Variants in GRIA1 observed in about 807,000 individuals in gnomAD.
GRIA1 encodes glutamate receptor 1.
GRIA1 carries 31 observed loss-of-function variants against 99.2 expected under a neutral mutation model. That is an observed-to-expected ratio of 0.31 (90% CI 0.23 to 0.42). The LOEUF (loss-of-function observed/expected upper bound fraction) is 0.42. GRIA1 is among the 10% of genes least tolerant of loss of function. GRIA1 has a pLI of 1.00. For missense variants in GRIA1, 782 were observed against 1,157.5 expected (o/e 0.68, Z 4.71); for synonymous variants, 438 against 432.4 (o/e 1.01, Z -0.16).
intron 11 of GRIA1, among the ~76,000 whole-genome samples, chr5:153,720,690 G>A (rs1037776829): frequency 1.3e-5 from 2 of 152,144 alleles, no homozygotes; most frequent in Admixed American, 6.5e-5. Context: ...ACAAGGACAG[G>A]AGTCAGAAGA....
intron 7 of GRIA1, among the ~76,000 whole-genome samples, chr5:153,681,933 C>T (rs1756999149): frequency 6.6e-6 from 1 of 151,822 alleles, no homozygotes; most frequent in South Asian, 2.1e-4. Flanking sequence ...ACCTGGGAGG[C>T]TGAGACAGGA....
chr5:153,717,958 T>A (rs1018599002), intron 11 of GRIA1, among the ~76,000 whole-genome samples: 2 of 152,044 alleles, frequency 1.3e-5, no homozygotes, highest in African/African-American at 4.8e-5. Flanking sequence ...CTTTCACGTC[T>A]CATTTTGGGA....
intron 11 of GRIA1, among the ~76,000 whole-genome samples, chr5:153,732,197 A>G (rs759310976): frequency 5.9e-5 from 9 of 152,086 alleles, no homozygotes; most frequent in Admixed American, 2.0e-4. Context: ...GACAGTGCAT[A>G]TATCTTTGTG....
At position 153,655,875 on chromosome 5, in the gene GRIA1, G is replaced by A. The variant is rs767241515; in HGVS notation, c.699+3G>A. 1.2e-5 allele frequency: 19 copies of A among 1,612,746 alleles called. No individual in the cohort carries two copies. The South Asian group carries it at 2.0e-4, about 17-fold the overall frequency. On this transcript the variant is annotated splice_donor_region_variant and intron_variant, in intron 5 of 15. Coordinates refer to ENST00000285900, the MANE Select transcript of GRIA1 (RefSeq NM_000827.4). ...ACCACTACATTCTTGCAAATCTGGT[G>A]AGTAGAGCACTGCAGGCTCTCAGCT...
chr5:153,813,552 T>C lies in GRIA1; in HGVS notation c.*2327T>C, dbSNP rs1228361640. 6.6e-6 allele frequency: 1 copy of C among 152,222 alleles called. No individual in the cohort carries two copies. Among genetic ancestry groups the C allele is most frequent in the Non-Finnish European group, 1.5e-5 (1 of 68,036 alleles). The allele number at this position is 152,222 out of a possible 1,614,324, so 9.4% of individuals were successfully genotyped here. ...CACAAGCAAGAAAAAAGTTAACTTG[T>C]ATTATGTATTTTTACTACACTTTTC... On this transcript the variant is annotated 3_prime_UTR_variant, in exon 16 of 16. Coordinates refer to ENST00000285900, the MANE Select transcript of GRIA1 (RefSeq NM_000827.4).
chr5:153,613,180 C>T (rs1046245349), intron 2 of GRIA1, among the ~76,000 whole-genome samples: 1 of 152,070 alleles, frequency 6.6e-6, no homozygotes, highest in Non-Finnish European at 1.5e-5. Context: ...TAATGTAATT[C>T]TGTTTGATTT....
At position 153,699,958 on chromosome 5, in the gene GRIA1, G is replaced by C. The variant is rs548846346; in HGVS notation, c.1452+885G>C. On this transcript the variant is annotated intron_variant, in intron 10 of 15. Transcript: ENST00000285900. ...CCATCTTTTAACATTTTATGGGGTA[G>C]AAAAGACAATGTGAGAAAATAGTAA... Among the ~76,000 whole-genome samples, 5 of 152,316 alleles carry C rather than the reference G, an allele frequency of 3.3e-5. No individual in the cohort carries two copies. The South Asian group carries it at 1.0e-3, about 32-fold the overall frequency.
chr5:153,802,277 C>A, intron 14 of GRIA1, 79 bp from the exon 15 acceptor site: 2 of 1,274,094 alleles, frequency 1.6e-6, no homozygotes. Context: ...TGAAAATATG[C>A]TGCTGCTTGG....
At chr5:153,754,481 GA>G (rs1762695262) in intron 11 of GRIA1, among the ~76,000 whole-genome samples, 1 of 151,904 alleles carries the variant, frequency 6.6e-6, no homozygotes. Flanking sequence ...ACAACAAAAA[GA>G]AAAATGTCAA....
intron 11 of GRIA1, among the ~76,000 whole-genome samples, chr5:153,731,583 T>A (rs1352116389): frequency 6.6e-6 from 1 of 152,086 alleles, no homozygotes; most frequent in East Asian, 1.9e-4. Flanking sequence ...GCAGAACCCA[T>A]TTTTTTCCTA....
chr5:153,493,809 C>A, intron 1 of GRIA1, 119 bp from the exon 2 acceptor site: 1 of 995,562 alleles, frequency 1.0e-6, no homozygotes. Flanking sequence ...CTCTACCACT[C>A]AAGGCTACAG....
chr5:153,549,770 T>G (rs748261361), intron 2 of GRIA1, among the ~76,000 whole-genome samples: 4 of 152,192 alleles, frequency 2.6e-5, no homozygotes. Flanking sequence ...TTTTTTCTAC[T>G]GTTATGATGC....
Position 153,501,732 on chromosome 5 carries a change from G to C in GRIA1, c.220+7667G>C, listed in dbSNP as rs143992399. On this transcript the variant is annotated intron_variant, in intron 2 of 15. Transcript: ENST00000285900. ...AGTCTGGCAGATGGGCAGGAGGATG[G>C]GGACAGAGGCCAGGGGAAAGGGAAG... Among the ~76,000 whole-genome samples, 582 of 152,292 alleles carry C rather than the reference G, an allele frequency of 3.8e-3. 2 individuals carry two copies. The highest frequency in any genetic ancestry group is 6.0e-3 in the Non-Finnish European group (408 of 68,020).
At chr5:153,658,238 G>T (rs926531252) in intron 5 of GRIA1, among the ~76,000 whole-genome samples, 1 of 152,046 alleles carries the variant, frequency 6.6e-6, no homozygotes, top group Non-Finnish European at 1.5e-5. Flanking sequence ...ACAGAACAAG[G>T]GTGGGGATAG....
At chr5:153,525,489 C>A (rs1247281221) in intron 2 of GRIA1, 1 of 151,818 alleles carries the variant, frequency 6.6e-6, no homozygotes, top group African/African-American at 2.4e-5. Flanking sequence ...CTACTATGTA[C>A]CACAAAATTA....
At chr5:153,605,620 A>G (rs1765373188) in intron 2 of GRIA1, among the ~76,000 whole-genome samples, 1 of 152,156 alleles carries the variant, frequency 6.6e-6, no homozygotes. Context: ...GACAATTCCC[A>G]TTGCTCCAAA....
chr5:153,567,039 T>C (rs915479430), intron 2 of GRIA1, among the ~76,000 whole-genome samples: 5 of 152,214 alleles, frequency 3.3e-5, no homozygotes, highest in Non-Finnish European at 7.3e-5. Flanking sequence ...TTTTATTCTA[T>C]GGGTTACCTA....
intron 2 of GRIA1, among the ~76,000 whole-genome samples, chr5:153,578,792 T>C (rs1561658638): frequency 6.6e-6 from 1 of 152,004 alleles, no homozygotes; most frequent in African/African-American, 2.4e-5. Context: ...CCTGTAGTCC[T>C]AGCTACTTGG....
At chr5:153,770,504 G>T in intron 13 of GRIA1, 89 bp downstream of exon 13, 1 of 1,258,646 alleles carries the variant, frequency 7.9e-7, no homozygotes, top group South Asian at 1.4e-5. Flanking sequence ...AGCCTCCAAT[G>T]CCACAATGCA....
Sources: allele counts gnomAD v4.1 joint callset (sites outside exome capture counted in the v4.1 genomes callset), GRCh38; gene constraint gnomAD v4.1.1; transcripts MANE v1.5; gene names NCBI Gene and HGNC (gene_info 2026-07-23, HGNC 2026-07-21).